NRG1: variants seen among roughly 807,000 people sequenced by gnomAD.
NRG1 encodes neuregulin 1, also known as pro-neuregulin-1, membrane-bound isoform.
In NRG1, 18 loss-of-function variants were observed where a neutral mutation model predicts 63.8. The ratio of observed to expected loss-of-function variants is 0.28; its 90% CI spans 0.19 to 0.42. The LOEUF (loss-of-function observed/expected upper bound fraction) is 0.42, where lower values mean the gene tolerates loss of function less well. Among genes scored for constraint, NRG1 ranks in the 10% least tolerant of loss-of-function variants. The pLI is 1.00. For synonymous variants in NRG1, 302 were observed against 301.3 expected (o/e 1.00, Z -0.02); for missense variants, 762 against 814.7 (o/e 0.94, Z 0.79).
At chr8:31,778,251 C>T (rs1192541190) in intron 1 of NRG1, among the ~76,000 whole-genome samples, 1 of 151,904 alleles carries the variant, frequency 6.6e-6, no homozygotes, top group Non-Finnish European at 1.5e-5. Flanking sequence ...TCTGCACTGA[C>T]CCTACGGCTT....
chr8:32,712,113 G>T (rs1370323489), intron 5 of NRG1, among the ~76,000 whole-genome samples: 1 of 152,072 alleles, frequency 6.6e-6, no homozygotes, highest in Non-Finnish European at 1.5e-5. Context: ...TCTGCACTTT[G>T]TAGAAACCAT....
At chr8:31,769,600 A>G (rs1818414892) in intron 1 of NRG1, among the ~76,000 whole-genome samples, 2 of 152,186 alleles carry the variant, frequency 1.3e-5, no homozygotes, top group African/African-American at 4.8e-5. Flanking sequence ...TTTAAGGGAT[A>G]AGGGGAGGAA....
intron 1 of NRG1, among the ~76,000 whole-genome samples, chr8:32,492,263 A>T (rs1826680271): frequency 6.6e-6 from 1 of 152,182 alleles, no homozygotes; most frequent in Admixed American, 6.5e-5. Flanking sequence ...GGAGTCAATT[A>T]TTCGGTCACA....
At chr8:32,164,708 A>T (rs913293157) in intron 1 of NRG1, among the ~76,000 whole-genome samples, 1 of 152,236 alleles carries the variant, frequency 6.6e-6, no homozygotes, top group Admixed American at 6.5e-5. Flanking sequence ...TTTAGCAATT[A>T]AAAAAGCACT....
At chr8:32,088,026 G>A (rs1020568512) in intron 1 of NRG1, among the ~76,000 whole-genome samples, 2 of 152,136 alleles carry the variant, frequency 1.3e-5, no homozygotes, top group Non-Finnish European at 2.9e-5. Flanking sequence ...CTCCAAGGTG[G>A]TATTCTAGCC....
chr8:32,132,618 G>A (rs535715978), intron 1 of NRG1, among the ~76,000 whole-genome samples: 1 of 152,102 alleles, frequency 6.6e-6, no homozygotes, highest in South Asian at 2.1e-4. Flanking sequence ...CTGGCTAAGG[G>A]GTGTAAGAAA....
At chr8:32,424,674 T>C (rs1255210039) in intron 1 of NRG1, among the ~76,000 whole-genome samples, 1 of 152,046 alleles carries the variant, frequency 6.6e-6, no homozygotes, top group African/African-American at 2.4e-5. Flanking sequence ...GTTCAAGACA[T>C]GCCTTGGCAA....
intron 7 of NRG1, among the ~76,000 whole-genome samples, chr8:32,752,912 G>T (rs1469413856): frequency 6.6e-6 from 1 of 152,108 alleles, no homozygotes; most frequent in African/African-American, 2.4e-5. Flanking sequence ...ATTATCATGG[G>T]CTCGGCTTGT....
chr8:32,689,514 G>A (rs1333033739), intron 5 of NRG1, among the ~76,000 whole-genome samples: 2 of 152,064 alleles, frequency 1.3e-5, no homozygotes, highest in African/African-American at 4.8e-5. Context: ...TTCTTGTGGA[G>A]AGCTGAGATA....
chr8:31,814,616 T>C (rs930115124), intron 1 of NRG1, among the ~76,000 whole-genome samples: 15 of 151,342 alleles, frequency 9.9e-5, no homozygotes, highest in African/African-American at 3.6e-4. Context: ...CCACTGTCCG[T>C]GTTTCCCCTA....
intron 1 of NRG1, among the ~76,000 whole-genome samples, chr8:32,336,696 G>A (rs969480124): frequency 2.6e-5 from 4 of 152,060 alleles, no homozygotes; most frequent in East Asian, 3.9e-4. Context: ...TGCAACCTCC[G>A]CCTCCCAGGT....
At chr8:32,297,949 C>T (rs1586688226) in intron 1 of NRG1, among the ~76,000 whole-genome samples, 1 of 152,214 alleles carries the variant, frequency 6.6e-6, no homozygotes, top group African/African-American at 2.4e-5. Flanking sequence ...TGCAACTGTA[C>T]TACTAGAAGC....
At chr8:31,699,164 A>T (rs1009602763) in intron 1 of NRG1, among the ~76,000 whole-genome samples, 1 of 149,852 alleles carries the variant, frequency 6.7e-6, no homozygotes, top group Non-Finnish European at 1.5e-5. Context: ...TCTTGCATTC[A>T]TCATTTACTA....
chr8:32,087,482 CTTTT>C (rs67438409), intron 1 of NRG1, among the ~76,000 whole-genome samples: 1 of 90,278 alleles, frequency 1.1e-5, no homozygotes, highest in East Asian at 4.0e-4. Flanking sequence ...TCTTTTCTTT[CTTTT>C]TTTTTTTTTT....
intron 1 of NRG1, among the ~76,000 whole-genome samples, chr8:31,905,198 A>G (rs149073504): frequency 6.6e-6 from 1 of 152,230 alleles, no homozygotes; most frequent in African/African-American, 2.4e-5. Flanking sequence ...TTATTGCTTT[A>G]TAATTCTGTA....
intron 1 of NRG1, among the ~76,000 whole-genome samples, chr8:31,716,836 C>T (rs1812395754): frequency 6.6e-6 from 1 of 152,180 alleles, no homozygotes; most frequent in Non-Finnish European, 1.5e-5. Context: ...TCATAACTCG[C>T]ATTAAATTCT....
intron 1 of NRG1, among the ~76,000 whole-genome samples, chr8:32,139,752 T>C (rs938695241): frequency 3.3e-5 from 5 of 151,944 alleles, no homozygotes; most frequent in African/African-American, 1.2e-4. Context: ...TACTCCAAAA[T>C]CAATGAAATA....
chr8:32,155,061 T>C (rs991481988), intron 1 of NRG1, among the ~76,000 whole-genome samples: 1 of 152,192 alleles, frequency 6.6e-6, no homozygotes, highest in Non-Finnish European at 1.5e-5. Flanking sequence ...TGTTCCACAA[T>C]ACTTTTTGCT....
At chr8:32,212,502 G>A (rs913474337) in intron 1 of NRG1, among the ~76,000 whole-genome samples, 3 of 152,112 alleles carry the variant, frequency 2.0e-5, no homozygotes, top group African/African-American at 7.2e-5. Context: ...TTAATTTAAA[G>A]ATAAACAGCC....
Sources: allele counts gnomAD v4.1 joint callset (sites outside exome capture counted in the v4.1 genomes callset), GRCh38; gene constraint gnomAD v4.1.1; transcripts MANE v1.5; gene names NCBI Gene and HGNC (gene_info 2026-07-23, HGNC 2026-07-21).